KLRG2: variants seen among roughly 807,000 people sequenced by gnomAD.
The protein encoded by KLRG2 is killer cell lectin like receptor G2.
KLRG2 carries 39 observed loss-of-function variants against 35.4 expected under a neutral mutation model. The observed-to-expected ratio is 1.10, with a 90% confidence interval of 0.85 to 1.44. The LOEUF is 1.44. Among genes scored for constraint, KLRG2 ranks in the 40% most tolerant of loss-of-function variants. The pLI is 0.00. For synonymous variants in KLRG2, 283 were observed against 265.8 expected, an observed-to-expected ratio of 1.06 and a Z score of -0.63; for missense variants, 632 against 570.9, an observed-to-expected ratio of 1.11 and a Z score of -1.09.
chr7:139,432,815 A>G, the KLRG2 span, among the ~76,000 whole-genome samples: 1 of 152,074 alleles, frequency 6.6e-6, no homozygotes, highest in Non-Finnish European at 1.5e-5. Flanking sequence ...CATTGTTTGT[A>G]TATCATTTGT....
intron 3 of KLRG2, among the ~76,000 whole-genome samples, chr7:139,458,843 T>C (rs919112977): frequency 2.0e-5 from 3 of 152,214 alleles, no homozygotes; most frequent in African/African-American, 7.2e-5. Context: ...TCTGGGAAGA[T>C]GAGCCACGTC....
chr7:139,459,583 C>T (rs746362520), intron 3 of KLRG2, among the ~76,000 whole-genome samples: 2 of 152,212 alleles, frequency 1.3e-5, no homozygotes, highest in Non-Finnish European at 2.9e-5. Flanking sequence ...CAGGGCCCAG[C>T]CCAGGCGCTG....
At chr7:139,450,202 C>G (rs1796354696), downstream of KLRG2, among the ~76,000 whole-genome samples, 1 of 151,514 alleles carries the variant, frequency 6.6e-6, no homozygotes, top group African/African-American at 2.4e-5. Flanking sequence ...ACCACCACGC[C>G]TGGCTAATGT....
chr7:139,469,262 C>A (rs538903847), intron 3 of KLRG2, among the ~76,000 whole-genome samples: 2 of 152,132 alleles, frequency 1.3e-5, no homozygotes, highest in Non-Finnish European at 2.9e-5. Flanking sequence ...CAGGTTCAAG[C>A]GAGTCTCCTG....
At chr7:139,464,653 C>T (rs1796619606) in intron 3 of KLRG2, among the ~76,000 whole-genome samples, 1 of 152,232 alleles carries the variant, frequency 6.6e-6, no homozygotes, top group African/African-American at 2.4e-5. Flanking sequence ...TCATTATACA[C>T]AGCCAAAGTG....
intron 3 of KLRG2, among the ~76,000 whole-genome samples, chr7:139,460,785 T>G (rs938571201): frequency 4.6e-5 from 7 of 150,626 alleles, no homozygotes; most frequent in Non-Finnish European, 1.0e-4. Context: ...ATGGTGAAAC[T>G]CCACCTCTAC....
chr7:139,446,370 G>A, the KLRG2 span, among the ~76,000 whole-genome samples: 96 of 123,780 alleles, frequency 7.8e-4, no homozygotes, highest in African/African-American at 2.7e-3. Context: ...TTAAGAGAGA[G>A]TCTCCCTCTG....
At chr7:139,453,996 G>A (rs757389226) in intron 4 of KLRG2, 115 bp downstream of exon 4, 13 of 752,338 alleles carry the variant, frequency 1.7e-5, no homozygotes, top group Non-Finnish European at 2.1e-5. Flanking sequence ...GAGCATGGGC[G>A]TGGGCTGCTT....
chr7:139,479,388 A>G (rs1796913094), intron 3 of KLRG2, among the ~76,000 whole-genome samples: 2 of 152,156 alleles, frequency 1.3e-5, no homozygotes, highest in Admixed American at 1.3e-4. Context: ...GCCAAAAAAA[A>G]ATTTTTTTTA....
chr7:139,459,830 C>T (rs1232617000), intron 3 of KLRG2, among the ~76,000 whole-genome samples: 1 of 152,080 alleles, frequency 6.6e-6, no homozygotes, highest in Non-Finnish European at 1.5e-5. Context: ...CAGCTCACTG[C>T]AACCTCCGCC....
At position 139,454,099 on chromosome 7, in the gene KLRG2, G is replaced by A. The variant is rs566791119; in HGVS notation, c.1109+12C>T. 159 of 1,452,396 alleles carry A rather than the reference G, an allele frequency of 1.1e-4. 3 individuals are homozygous for A. In the South Asian group the frequency reaches 1.5e-3, roughly 14 times the overall value. The allele number at this position is 1,452,396 out of a possible 1,614,324, so 90.0% of individuals were successfully genotyped here. A position where few individuals can be genotyped will look rare whatever the true frequency, so the allele number is the denominator to read the frequency against. ...AACAGCAGAGGAGGGAGAAAAGCCC[G>A]TGGTCACTCACAGCTGGGGCGGGAG... On this transcript the variant is annotated intron_variant, in intron 4 of 4. Transcript: ENST00000340940.
At chr7:139,431,995 T>C in the KLRG2 span, among the ~76,000 whole-genome samples, 1 of 151,848 alleles carries the variant, frequency 6.6e-6, no homozygotes, top group Non-Finnish European at 1.5e-5. Flanking sequence ...AAAGGAGACA[T>C]GAATATGGTG....
chr7:139,480,173 C>T lies in KLRG2; in HGVS notation c.832G>A (p.Val278Ile). The T allele has an allele frequency of 6.2e-7, 1 of 1,613,806 alleles. No individual in the cohort carries two copies. The highest frequency in any genetic ancestry group is 8.5e-7 in the Non-Finnish European group (1 of 1,179,778). Residue 278 changes from valine (V) to isoleucine (I), a missense_variant, in exon 2 of 5, where the codon GTC (valine) becomes ATC (isoleucine). Transcript: ENST00000340940. ...MAVLLAVSGV[V>I]IVVLASRAGA... is the part of the protein sequence containing the mutation. ...GCTCTTGAGGCCAGGACCACAATGA[C>T]AACCCCAGAGACTGCCAGGAGCACA... is the stretch of plus-strand genomic sequence containing the variant.
intron 3 of KLRG2, among the ~76,000 whole-genome samples, chr7:139,474,450 CAT>C (rs1369428778): frequency 6.6e-6 from 1 of 152,094 alleles, no homozygotes; most frequent in African/African-American, 2.4e-5. Context: ...TCTCTATCTC[CAT>C]ATCTCTATCT....
the KLRG2 span, among the ~76,000 whole-genome samples, chr7:139,440,273 C>CTT: frequency 4.9e-5 from 7 of 141,932 alleles, no homozygotes; most frequent in African/African-American, 2.0e-4. Flanking sequence ...CCACACCTGG[C>CTT]TATTTTTTTT....
chr7:139,431,158 A>G, the KLRG2 span, among the ~76,000 whole-genome samples: 3 of 152,212 alleles, frequency 2.0e-5, no homozygotes, highest in South Asian at 6.2e-4. Context: ...AAAAGAGTAC[A>G]CATACTGTAC....
At chr7:139,468,575 G>A (rs1002266528) in intron 3 of KLRG2, among the ~76,000 whole-genome samples, 1 of 152,068 alleles carries the variant, frequency 6.6e-6, no homozygotes, top group Non-Finnish European at 1.5e-5. Context: ...GACTCAGCCC[G>A]CCTGCACCCA....
chr7:139,478,524 G>T (rs929851490), intron 3 of KLRG2, among the ~76,000 whole-genome samples: 13 of 152,144 alleles, frequency 8.5e-5, no homozygotes, highest in African/African-American at 2.7e-4. Context: ...ACAAAAATTA[G>T]CCAGGTGTGC....
the KLRG2 span, among the ~76,000 whole-genome samples, chr7:139,433,168 C>G: frequency 6.6e-6 from 1 of 152,132 alleles, no homozygotes; most frequent in Non-Finnish European, 1.5e-5. Flanking sequence ...AATAGCAGAC[C>G]AGACTTTCAC....
Sources: allele counts gnomAD v4.1 joint callset (sites outside exome capture counted in the v4.1 genomes callset), GRCh38; gene constraint gnomAD v4.1.1; transcripts MANE v1.5; gene names NCBI Gene and HGNC (gene_info 2026-07-23, HGNC 2026-07-21).